The following GBE1 variants were observed in gnomAD, a reference collection of about 807,000 sequenced individuals.
GBE1 encodes the protein 1,4-alpha-glucan-branching enzyme.
Under a neutral mutation model 88.8 loss-of-function variants are expected in GBE1, and 70 were observed. That is an observed-to-expected ratio of 0.79 (90% CI 0.65 to 0.96). The LOEUF (loss-of-function observed/expected upper bound fraction) is 0.96, where lower values mean the gene tolerates loss of function less well. Ranked by LOEUF, GBE1 falls within the 40% of genes least tolerant of loss-of-function variation. The pLI, the probability that GBE1 is intolerant of heterozygous loss-of-function variation, is 0.00. For missense variants in GBE1, 872 were observed against 871.0 expected, an observed-to-expected ratio of 1.00 and a Z score of -0.01; for synonymous variants, 284 against 300.1, an observed-to-expected ratio of 0.95 and a Z score of 0.56.
intron 2 of GBE1, among the ~76,000 whole-genome samples, chr3:81,677,907 C>A (rs1705284368): frequency 1.3e-5 from 2 of 152,072 alleles, no homozygotes; most frequent in South Asian, 4.1e-4. Context: ...TATCAGAGTG[C>A]CACTAAATTC....
intron 1 of GBE1, among the ~76,000 whole-genome samples, chr3:81,722,892 G>GTATATATATATATA (rs201396919): frequency 9.4e-4 from 96 of 102,068 alleles, no homozygotes; most frequent in African/African-American, 3.7e-3. Context: ...GTGTGTGTGT[G>GTATATATATATATA]TGTGTATATA....
chr3:81,552,518 T>C (rs1350781659), intron 12 of GBE1, among the ~76,000 whole-genome samples: 3 of 33,276 alleles, frequency 9.0e-5, no homozygotes, highest in African/African-American at 2.4e-4. Flanking sequence ...CTCTATCTTA[T>C]ATAAAAAAAA....
intron 12 of GBE1, among the ~76,000 whole-genome samples, chr3:81,549,114 C>G (rs142205952): frequency 6.7e-6 from 1 of 149,630 alleles, no homozygotes; most frequent in East Asian, 2.0e-4. Flanking sequence ...ACTGCAACCT[C>G]CGCCTCCCTG....
chr3:81,599,528 C>A (rs1346917448), intron 7 of GBE1, among the ~76,000 whole-genome samples: 1 of 152,146 alleles, frequency 6.6e-6, no homozygotes, highest in East Asian at 1.9e-4. Context: ...AGGCTACAAA[C>A]CTGTATAGCA....
chr3:81,749,017 A>G (rs1346510671), intron 1 of GBE1, among the ~76,000 whole-genome samples: 1 of 151,460 alleles, frequency 6.6e-6, no homozygotes, highest in African/African-American at 2.4e-5. Context: ...AAAAAAAAAA[A>G]AAAAGAAAAA....
At chr3:81,751,580 G>A (rs1047614428) in intron 1 of GBE1, among the ~76,000 whole-genome samples, 26 of 152,196 alleles carry the variant, frequency 1.7e-4, no homozygotes, top group Non-Finnish European at 1.8e-4. Flanking sequence ...TGGATGTGGT[G>A]CCAAGCTGTG....
chr3:81,614,528 T>C (rs1297248261), intron 7 of GBE1, among the ~76,000 whole-genome samples: 1 of 152,014 alleles, frequency 6.6e-6, no homozygotes, highest in Non-Finnish European at 1.5e-5. Flanking sequence ...GTGGGGAGTA[T>C]TGCTTGAGCC....
chr3:81,536,749 C>T (rs1002184919), intron 13 of GBE1, among the ~76,000 whole-genome samples, 162 bp downstream of exon 13: 1 of 152,030 alleles, frequency 6.6e-6, no homozygotes, highest in African/African-American at 2.4e-5. Flanking sequence ...ATTGAAGAGA[C>T]TTCAGTGACA....
At chr3:81,735,957 A>G (rs1365602487) in intron 1 of GBE1, among the ~76,000 whole-genome samples, 1 of 152,140 alleles carries the variant, frequency 6.6e-6, no homozygotes, top group Non-Finnish European at 1.5e-5. Context: ...CTGCATTTCA[A>G]AACACTGACT....
chr3:81,751,217 C>G (rs927769991), intron 1 of GBE1, among the ~76,000 whole-genome samples: 3 of 152,208 alleles, frequency 2.0e-5, no homozygotes, highest in Admixed American at 6.5e-5. Context: ...CTCTCAGGAA[C>G]AGTAGAATGC....
intron 2 of GBE1, among the ~76,000 whole-genome samples, chr3:81,691,793 T>C (rs76927404): frequency 0.046 from 7,064 of 152,110 alleles, 474 homozygotes; most frequent in East Asian, 0.34. Flanking sequence ...AATTAATTAA[T>C]TTTTTAAATA....
At chr3:81,643,400 C>A (rs1424819170) in intron 6 of GBE1, among the ~76,000 whole-genome samples, 1 of 151,956 alleles carries the variant, frequency 6.6e-6, no homozygotes, top group Non-Finnish European at 1.5e-5. Flanking sequence ...ATCCATGGTA[C>A]CTTGATTGAG....
chr3:81,556,816 G>C (rs1425394181), intron 12 of GBE1, among the ~76,000 whole-genome samples: 1 of 151,970 alleles, frequency 6.6e-6, no homozygotes, highest in African/African-American at 2.4e-5. Flanking sequence ...TTTTTTAAAA[G>C]GCACAATGAT....
At chr3:81,568,635 C>T (rs1420295060) in intron 12 of GBE1, among the ~76,000 whole-genome samples, 4 of 152,178 alleles carry the variant, frequency 2.6e-5, no homozygotes, top group African/African-American at 9.6e-5. Context: ...TAGTAACTAC[C>T]TGAGTTAATG....
intron 2 of GBE1, among the ~76,000 whole-genome samples, chr3:81,681,950 T>C (rs989569231): frequency 3.3e-5 from 5 of 152,112 alleles, no homozygotes; most frequent in Admixed American, 2.6e-4. Context: ...AATTAAAATT[T>C]TTGCATGTTA....
chr3:81,564,407 C>A (rs1703462504), intron 12 of GBE1, among the ~76,000 whole-genome samples: 1 of 152,134 alleles, frequency 6.6e-6, no homozygotes, highest in Non-Finnish European at 1.5e-5. Context: ...CGGCCACTGA[C>A]AATCACAAAT....
chr3:81,553,497 T>C (rs527808973), intron 12 of GBE1, among the ~76,000 whole-genome samples: 1 of 152,082 alleles, frequency 6.6e-6, no homozygotes, highest in Non-Finnish European at 1.5e-5. Context: ...CACTCAAAGA[T>C]TTATTAAATA....
At chr3:81,558,909 T>C (rs1320827366) in intron 12 of GBE1, among the ~76,000 whole-genome samples, 1 of 152,230 alleles carries the variant, frequency 6.6e-6, no homozygotes, top group South Asian at 2.1e-4. Context: ...GTATCAGCTC[T>C]TTATCTTAAG....
At chr3:81,758,948 C>T (rs376150017) in intron 1 of GBE1, among the ~76,000 whole-genome samples, 6 of 152,148 alleles carry the variant, frequency 3.9e-5, no homozygotes, top group East Asian at 1.9e-4. Context: ...GTCTTTCCCA[C>T]GCTGTTCTCC....
Sources: allele counts gnomAD v4.1 joint callset (sites outside exome capture counted in the v4.1 genomes callset), GRCh38; gene constraint gnomAD v4.1.1; transcripts MANE v1.5; gene names NCBI Gene and HGNC (gene_info 2026-07-23, HGNC 2026-07-21).